The following SFMBT1 variants were observed in gnomAD, a reference collection of about 807,000 sequenced individuals.
SFMBT1 encodes scm-like with four MBT domains protein 1.
In SFMBT1, 32 loss-of-function variants were observed where a neutral mutation model predicts 108.7. The ratio of observed to expected loss-of-function variants is 0.29; its 90% confidence interval spans 0.22 to 0.40. The LOEUF (loss-of-function observed/expected upper bound fraction) is 0.40. Among genes scored for constraint, SFMBT1 ranks in the 10% least tolerant of loss-of-function variants. The pLI is 1.00. For synonymous variants in SFMBT1, 348 were observed against 369.5 expected (o/e 0.94, Z 0.67); for missense variants, 816 against 1,059.6 (o/e 0.77, Z 3.19).
In SFMBT1 at chr3:52,907,089, T is replaced by C. The variant is rs755386771; in HGVS notation, c.2311A>G (p.Asn771Asp). 2 of 1,612,562 alleles carry C rather than the reference T, an allele frequency of 1.2e-6. No homozygotes were observed. The highest frequency in any genetic ancestry group is 2.2e-5 in the East Asian group (1 of 44,874). ...LRTFSFSDDE[N>D]KPPSPKEIRI... ...GGTACCTTTGGTGAAGGAGGTTTAT[T>C]TTCATCGTCAGAAAATGAAAAGGTG... is the stretch of plus-strand genomic sequence containing the variant. The change falls in exon 19 of 21, where the codon AAT becomes GAT. Residue 771 changes from asparagine to aspartate, a missense_variant. Around this residue, in one of 5 missense-constraint regions of SFMBT1, gnomAD observed 177 missense variants for 182.0 expected, o/e 0.97. Coordinates refer to ENST00000394752, the MANE Select transcript of SFMBT1 (RefSeq NM_016329.4).
At chr3:53,042,059 G>A (rs1306484900) in intron 1 of SFMBT1, among the ~76,000 whole-genome samples, 1 of 152,058 alleles carries the variant, frequency 6.6e-6, no homozygotes, top group Non-Finnish European at 1.5e-5. Flanking sequence ...AAAATTATAA[G>A]AGAAAAAATG....
intron 3 of SFMBT1, among the ~76,000 whole-genome samples, chr3:52,943,902 T>C (rs528196502): frequency 6.6e-6 from 1 of 152,334 alleles, no homozygotes; most frequent in Admixed American, 6.5e-5. Context: ...TTTCAACACA[T>C]TGTTTACAAG....
intron 1 of SFMBT1, among the ~76,000 whole-genome samples, chr3:52,997,746 G>T (rs1698389012): frequency 6.7e-6 from 1 of 150,246 alleles, no homozygotes; most frequent in Admixed American, 6.7e-5. Flanking sequence ...AGGATGCATT[G>T]TCTGTAAATG....
chr3:53,008,662 G>A (rs928017397), intron 1 of SFMBT1, among the ~76,000 whole-genome samples: 5 of 145,506 alleles, frequency 3.4e-5, no homozygotes, highest in African/African-American at 1.3e-4. Flanking sequence ...ATAGAGTCTC[G>A]CTCTGTCACC....
At chr3:53,011,021 T>A (rs1009875246) in intron 1 of SFMBT1, among the ~76,000 whole-genome samples, 2 of 152,174 alleles carry the variant, frequency 1.3e-5, no homozygotes, top group African/African-American at 2.4e-5. Flanking sequence ...TCCCAGGGGA[T>A]GATGGGGTGG....
chr3:53,034,071 C>A (rs11709447), intron 1 of SFMBT1, among the ~76,000 whole-genome samples: 2,356 of 28,378 alleles, frequency 0.083, 49 homozygotes, highest in African/African-American at 0.12. Flanking sequence ...ACTCTGTCTC[C>A]AAAAAAAAAA....
chr3:52,998,987 A>G (rs1698440854), intron 1 of SFMBT1, among the ~76,000 whole-genome samples: 1 of 150,690 alleles, frequency 6.6e-6, no homozygotes, highest in Admixed American at 6.7e-5. Context: ...TGGGTACTAA[A>G]CTGGCTCTAC....
intron 1 of SFMBT1, among the ~76,000 whole-genome samples, chr3:53,034,290 C>G (rs1435558338): frequency 6.6e-6 from 1 of 152,102 alleles, no homozygotes; most frequent in Non-Finnish European, 1.5e-5. Flanking sequence ...CAAGATTCAT[C>G]ACTGGCACGG....
intron 1 of SFMBT1, chr3:53,045,249 C>T (rs1700185590): frequency 6.7e-6 from 1 of 148,968 alleles, no homozygotes; most frequent in South Asian, 2.1e-4. Flanking sequence ...CGCCACCGCG[C>T]AGCGACCGCC....
chr3:52,954,820 CAG>C (rs1455299627), intron 2 of SFMBT1, among the ~76,000 whole-genome samples: 1 of 151,350 alleles, frequency 6.6e-6, no homozygotes, highest in Non-Finnish European at 1.5e-5. Context: ...TTAGTACTCT[CAG>C]AGTGAAAGAT....
At chr3:52,999,331 G>C (rs981133803) in intron 1 of SFMBT1, among the ~76,000 whole-genome samples, 2 of 150,198 alleles carry the variant, frequency 1.3e-5, no homozygotes, top group Non-Finnish European at 3.0e-5. Context: ...GCTGGGAAAG[G>C]AGCCGACGCC....
intron 2 of SFMBT1, among the ~76,000 whole-genome samples, chr3:52,956,668 G>C (rs1306433495): frequency 6.6e-6 from 1 of 152,258 alleles, no homozygotes; most frequent in Admixed American, 6.5e-5. Context: ...GGCTGAGAGA[G>C]AAGAATCACT....
At chr3:52,995,144 G>A (rs1368598561) in intron 1 of SFMBT1, among the ~76,000 whole-genome samples, 3 of 148,734 alleles carry the variant, frequency 2.0e-5, no homozygotes, top group African/African-American at 7.3e-5. Context: ...AGAGGCATAC[G>A]ATATTCACAG....
intron 1 of SFMBT1, among the ~76,000 whole-genome samples, chr3:52,993,529 C>T (rs555923358): frequency 6.7e-6 from 1 of 149,696 alleles, no homozygotes; most frequent in African/African-American, 2.4e-5. Context: ...ATTAGTATAC[C>T]AACCTTCCCT....
intron 1 of SFMBT1, among the ~76,000 whole-genome samples, chr3:52,970,409 T>G (rs1704296937): frequency 6.6e-6 from 1 of 152,194 alleles, no homozygotes; most frequent in Non-Finnish European, 1.5e-5. Flanking sequence ...TTTCTTTCAC[T>G]TATCATGTTT....
intron 1 of SFMBT1, among the ~76,000 whole-genome samples, chr3:53,029,108 G>A (rs1699594625): frequency 6.7e-6 from 1 of 148,164 alleles, no homozygotes; most frequent in Non-Finnish European, 1.5e-5. Context: ...GGGAGGCGGA[G>A]CTTGCAGTGA....
intron 1 of SFMBT1, among the ~76,000 whole-genome samples, chr3:53,035,198 G>A (rs967035251): frequency 2.0e-5 from 3 of 149,638 alleles, no homozygotes; most frequent in Non-Finnish European, 4.4e-5. Flanking sequence ...GACTTTACCC[G>A]GCCAAATGTG....
At chr3:52,909,337 C>T (rs1702161623) in intron 17 of SFMBT1, among the ~76,000 whole-genome samples, 1 of 152,192 alleles carries the variant, frequency 6.6e-6, no homozygotes, top group Non-Finnish European at 1.5e-5. Flanking sequence ...CTAATAATTG[C>T]AGTTTCCTAA....
chr3:53,033,200 G>A lies in SFMBT1; in HGVS notation c.-131+12616C>T, dbSNP rs544557706. On this transcript the variant is annotated intron_variant, in intron 1 of 20. Transcript: ENST00000394752. ...TTTTGAGATGGAGTCTTGCTCTGTC[G>A]CCCAGGCTGGAGTGCAGTGGCGCAA... is the stretch of plus-strand genomic sequence containing the variant. 2.9e-4 allele frequency among the ~76,000 whole-genome samples: 44 copies of A among 150,486 alleles called. 1 individual carries two copies. Among genetic ancestry groups the A allele is most frequent in the African/African-American group, 8.8e-4 (36 of 40,870 alleles).
Sources: gnomAD v4.1 joint callset for allele counts (sites outside exome capture counted in the v4.1 genomes callset) on GRCh38, gnomAD v4.1.1 for gene constraint, gnomAD v4.1.1 regional missense constraint, MANE v1.5 for transcripts, NCBI Gene and HGNC (gene_info 2026-07-23, HGNC 2026-07-21) for gene names.